The following LHFPL1 variants were observed in gnomAD, a reference collection of about 807,000 sequenced individuals.
LHFPL1 encodes the protein LHFPL tetraspan subfamily member 1, also known as LHFPL tetraspan subfamily member 1 protein.
LHFPL1 carries 4 observed loss-of-function variants against 12.1 expected under a neutral mutation model. The observed-to-expected ratio is 0.33, with a 90% CI of 0.16 to 0.76. The LOEUF is 0.76. LHFPL1 is among the 30% of genes least tolerant of loss of function. The probability of loss-of-function intolerance (pLI) is 0.61; values close to 1 mark genes in which losing one functional copy is unlikely to be tolerated. For missense variants in LHFPL1, 141 were observed against 174.1 expected (o/e 0.81, Z 1.07); for synonymous variants, 52 against 61.9 (o/e 0.84, Z 0.75).
chrX:112,667,185 A>G (rs1483739118), intron 2 of LHFPL1, among the ~76,000 whole-genome samples: 1 of 112,112 alleles, frequency 8.9e-6, no homozygotes, highest in African/African-American at 3.2e-5. Flanking sequence ...TATGTCTCCA[A>G]TGGCAACTTT....
At chrX:112,643,686 G>A (rs1278084476) in intron 3 of LHFPL1, among the ~76,000 whole-genome samples, 1 of 111,598 alleles carries the variant, frequency 9.0e-6, no homozygotes, top group African/African-American at 3.3e-5. Flanking sequence ...GGGACACAGA[G>A]TCAAACCATA....
intron 3 of LHFPL1, among the ~76,000 whole-genome samples, chrX:112,637,027 T>TAAAGC (rs1930361025): frequency 9.0e-6 from 1 of 111,651 alleles, no homozygotes; most frequent in Non-Finnish European, 1.9e-5. Context: ...GCAAATGAGC[T>TAAAGC]TTATGCAAAG....
intron 3 of LHFPL1, among the ~76,000 whole-genome samples, chrX:112,650,090 G>A (rs1930812455): frequency 9.0e-6 from 1 of 111,346 alleles, no homozygotes; most frequent in South Asian, 3.8e-4. Context: ...GTGGATTTAA[G>A]AGGATTTTGA....
rs1930190454 is a variant in LHFPL1, at chrX:112,631,562, C to G, written c.521G>C (p.Gly174Ala). Residue 174 changes from glycine (G) to alanine (A), a missense_variant, in exon 4 of 4, where the codon GGT becomes GCT. Transcript: ENST00000371968. ...GATCAACATGGCTGCAGCTGCTCCA[C>G]CTCCAGCACAGTAATAGGCCCAGCC... Reference protein sequence around the residue: ...RLGWAYYCAGGGAAAAMLICT... With the variant: ...RLGWAYYCAGAGAAAAMLICT... 1 of 1,207,563 alleles carries G rather than the reference C, an allele frequency of 8.3e-7. No individual in the cohort carries two copies. The highest frequency in any genetic ancestry group is 2.2e-5 in the Admixed American group (1 of 45,749).
In LHFPL1 at chrX:112,653,708, G is replaced by C. The variant is rs1232328998; in HGVS notation, c.481+6919C>G. On this transcript the variant is annotated intron_variant, in intron 3 of 3. Transcript: ENST00000371968. ...GAGATGAGCTGCTAGAAAGGGCTTT[G>C]ACTCCAAGTTAAAATAGACCAAGGC... 3.6e-5 allele frequency among the ~76,000 whole-genome samples: 4 copies of C among 111,875 alleles called. No individual in the cohort carries two copies. The East Asian group carries it at 1.1e-3, about 31-fold the overall frequency.
At chrX:112,637,023 G>A (rs1310691267) in intron 3 of LHFPL1, among the ~76,000 whole-genome samples, 1 of 111,575 alleles carries the variant, frequency 9.0e-6, no homozygotes, top group African/African-American at 3.3e-5. Flanking sequence ...AACTGCAAAT[G>A]AGCTTTATGC....
chrX:112,659,234 G>A (rs1249504049), intron 3 of LHFPL1, among the ~76,000 whole-genome samples: 11 of 111,163 alleles, frequency 9.9e-5, no homozygotes, highest in Non-Finnish European at 1.5e-4. Flanking sequence ...AAAGGTAGGC[G>A]GATCACCTGA....
At chrX:112,651,107 G>A (rs1315028293) in intron 3 of LHFPL1, among the ~76,000 whole-genome samples, 2 of 111,795 alleles carry the variant, frequency 1.8e-5, no homozygotes, top group East Asian at 2.8e-4. Flanking sequence ...ATAGGAGTTC[G>A]CTATGATTGC....
At chrX:112,641,751 G>C (rs748111915) in intron 3 of LHFPL1, among the ~76,000 whole-genome samples, 17 of 111,945 alleles carry the variant, frequency 1.5e-4, no homozygotes, top group African/African-American at 5.2e-4. Context: ...GTAAAATACA[G>C]ATTCCTAGGC....
chrX:112,647,370 T>C (rs999245793), intron 3 of LHFPL1, among the ~76,000 whole-genome samples: 1 of 111,556 alleles, frequency 9.0e-6, no homozygotes, highest in African/African-American at 3.3e-5. Flanking sequence ...AAAGAAACTA[T>C]CATCAGAGTG....
chrX:112,650,360 C>G (rs1036151991), intron 3 of LHFPL1, among the ~76,000 whole-genome samples: 1 of 111,169 alleles, frequency 9.0e-6, no homozygotes, highest in Non-Finnish European at 1.9e-5. Flanking sequence ...ACTTTCTCTG[C>G]TCTCCTTCTT....
At chrX:112,669,836 G>A (rs963696664) in intron 2 of LHFPL1, among the ~76,000 whole-genome samples, 1 of 111,544 alleles carries the variant, frequency 9.0e-6, no homozygotes, top group East Asian at 2.8e-4. Context: ...GTCTTCCAGG[G>A]GGGAGGGGCA....
In LHFPL1 at chrX:112,631,020, G is replaced by C; in HGVS notation, c.*400C>G. ...AATTGAGCAGTAGTACTCCAGAGAT[G>C]TTTGGGGGTGACAATAAATACTTGG... On this transcript the variant is annotated 3_prime_UTR_variant, in exon 4 of 4. Coordinates refer to ENST00000371968, the MANE Select transcript of LHFPL1 (RefSeq NM_178175.4). The C allele has an allele frequency of 8.4e-6, 1 of 119,184 alleles. No homozygotes were observed. The highest frequency in any genetic ancestry group is 2.6e-4 in the East Asian group (1 of 3,887). The allele number at this position is 119,184 out of a possible 1,213,427, so 9.8% of individuals were successfully genotyped here.
intron 3 of LHFPL1, among the ~76,000 whole-genome samples, chrX:112,638,572 C>A (rs769959852): frequency 9.0e-6 from 1 of 110,946 alleles, no homozygotes; most frequent in East Asian, 2.8e-4. Context: ...AAGATTAGAA[C>A]AATAGAGATA....
At chrX:112,642,322 G>A (rs1930531384) in intron 3 of LHFPL1, among the ~76,000 whole-genome samples, 1 of 101,048 alleles carries the variant, frequency 9.9e-6, no homozygotes, top group African/African-American at 3.6e-5. Flanking sequence ...ACCAGCCTGG[G>A]CAACATGGTG....
chrX:112,645,558 C>A, intron 3 of LHFPL1, among the ~76,000 whole-genome samples: 1 of 111,779 alleles, frequency 8.9e-6, no homozygotes, highest in Non-Finnish European at 1.9e-5. Context: ...AACAAACTCA[C>A]AAATGCTGAA....
chrX:112,661,156 G>A lies in LHFPL1; in HGVS notation c.383-431C>T, dbSNP rs1196317000. Among the ~76,000 whole-genome samples, 16 of 110,918 alleles carry A rather than the reference G, an allele frequency of 1.4e-4. 1 individual carries two copies. The highest frequency in any genetic ancestry group is 5.2e-4 in the African/African-American group (16 of 30,505). On this transcript the variant is annotated intron_variant, in intron 2 of 3. Transcript: ENST00000371968. The stretch of plus-strand genomic sequence containing the variant: ...TCCCTACCAGCTGAAAATATGTAAT[G>A]ATTCCTGTAACTTGGAGTCAGCTGC...
chrX:112,646,083 T>C (rs1930676948), intron 3 of LHFPL1, among the ~76,000 whole-genome samples: 1 of 111,699 alleles, frequency 9.0e-6, no homozygotes, highest in East Asian at 2.8e-4. Flanking sequence ...TCCCGGTTAA[T>C]GTTTGTTCAT....
chrX:112,640,740 A>G (rs184217852), intron 3 of LHFPL1, among the ~76,000 whole-genome samples: 2 of 111,314 alleles, frequency 1.8e-5, no homozygotes, highest in East Asian at 5.7e-4. Context: ...GCGTAACAAC[A>G]GTAATTTACT....
Sources: gnomAD v4.1 joint callset for allele counts (sites outside exome capture counted in the v4.1 genomes callset) on GRCh38, gnomAD v4.1.1 for gene constraint, MANE v1.5 for transcripts, NCBI Gene and HGNC (gene_info 2026-07-23, HGNC 2026-07-21) for gene names.